Variants in NPHP4 observed in about 807,000 individuals in gnomAD.
NPHP4 encodes nephrocystin 4.
In NPHP4, 151 loss-of-function variants were observed where a neutral mutation model predicts 155.8. That is an observed-to-expected ratio of 0.97 (90% confidence interval 0.85 to 1.11). The LOEUF (loss-of-function observed/expected upper bound fraction) is 1.11, where lower values mean the gene tolerates loss of function less well. Among genes scored for constraint, NPHP4 ranks in the 50% least tolerant of loss-of-function variants. The probability of loss-of-function intolerance (pLI) is 0.00; values close to 1 mark genes in which losing one functional copy is unlikely to be tolerated. For synonymous variants in NPHP4, 845 were observed against 816.8 expected (o/e 1.03, Z -0.59); for missense variants, 1,956 against 1,925.7 (o/e 1.02, Z -0.29).
Position 5,904,667 on chromosome 1 carries a change from G to A in NPHP4, c.2093C>T (p.Ala698Val), listed in dbSNP as rs745698836. 69 of 1,613,774 alleles carry A rather than the reference G, an allele frequency of 4.3e-5. No individual in the cohort carries two copies. The Admixed American group carries it at 1.1e-3, about 25-fold the overall frequency. Residue 698 changes from alanine to valine, a missense_variant, in exon 16 of 30, where the codon GCC becomes GTC. By Grantham distance (64) the Ala-to-Val change is moderately conservative. Transcript: ENST00000378156. ...LDEAGQPSSG[A>V]LTHILVPVSR... is the part of the protein sequence containing the mutation. ...CACAGGCACGAGGATGTGGGTCAGGGCGCCAGAGCTGGGCTGGCCGGCCTC... is the reference window on the plus strand; with the variant it reads ...CACAGGCACGAGGATGTGGGTCAGGACGCCAGAGCTGGGCTGGCCGGCCTC...
At chr1:5,919,321 GT>G (rs1645623837) in intron 11 of NPHP4, among the ~76,000 whole-genome samples, 1 of 152,144 alleles carries the variant, frequency 6.6e-6, no homozygotes, top group African/African-American at 2.4e-5. Flanking sequence ...TTTTTGAACA[GT>G]TTTTTAGGTT....
In NPHP4 at chr1:5,882,419, G is replaced by A. The variant is rs1019650732; in HGVS notation, c.2486-2180C>T. On this transcript the variant is annotated intron_variant, in intron 18 of 29. Coordinates refer to ENST00000378156, the MANE Select transcript of NPHP4 (RefSeq NM_015102.5). The surrounding 1 kb of genome is among the most constrained non-coding windows in gnomAD (Gnocchi z 5.1). Reference sequence around the variant, plus strand: ...ATCTCTTTCCAGGGGAATTAATTTCGTTCTTGCCAATGTCCCAGTAGCTGA... The same window carrying A: ...ATCTCTTTCCAGGGGAATTAATTTCATTCTTGCCAATGTCCCAGTAGCTGA... 1.3e-5 allele frequency: 2 copies of A among 152,982 alleles called. No homozygotes were observed. The highest frequency in any genetic ancestry group is 2.4e-5 in the African/African-American group (1 of 41,418). 9.5% of individuals were successfully genotyped at this position (152,982 alleles called of 1,614,324 possible). A position where few individuals can be genotyped will look rare whatever the true frequency, so the allele number is the denominator to read the frequency against.
At chr1:5,981,297 C>T (rs978466886) in intron 2 of NPHP4, among the ~76,000 whole-genome samples, 4 of 152,194 alleles carry the variant, frequency 2.6e-5, no homozygotes, top group African/African-American at 9.7e-5. Context: ...TGCTACTTCA[C>T]ATCCAGTCTA....
rs560126756 is a variant in NPHP4, at chr1:5,864,248, G to A, written c.3996+90C>T. The A allele has an allele frequency of 3.8e-6, 5 of 1,302,848 alleles. No homozygotes were observed. The East Asian group carries it at 1.2e-4, about 33-fold the overall frequency. 80.7% of individuals were successfully genotyped at this position (1,302,848 alleles called of 1,614,324 possible). ...GCTGGGTCAGAACACTGTATCCAGT[G>A]GTCCGAGTCACAGGGCCGAGGTGGG... is the stretch of plus-strand genomic sequence containing the variant. On this transcript the variant is annotated intron_variant, in intron 28 of 29. Coordinates refer to ENST00000378156, the MANE Select transcript of NPHP4 (RefSeq NM_015102.5).
chr1:5,987,006 G>A (rs1308913644), intron 1 of NPHP4, among the ~76,000 whole-genome samples: 1 of 152,030 alleles, frequency 6.6e-6, no homozygotes, highest in Admixed American at 6.6e-5. Context: ...GGCCACCTTA[G>A]GACACACATA....
intron 5 of NPHP4, 102 bp downstream of exon 5, chr1:5,967,197 G>A: frequency 1.1e-6 from 1 of 884,734 alleles, no homozygotes; most frequent in Non-Finnish European, 1.8e-6. Context: ...TAAGCAGATA[G>A]CAGTTTACAC....
intron 18 of NPHP4, among the ~76,000 whole-genome samples, chr1:5,883,157 T>C (rs1205455294): frequency 2.0e-5 from 3 of 152,052 alleles, no homozygotes; most frequent in African/African-American, 7.2e-5. Flanking sequence ...TGTGGGAAAA[T>C]GGCAGACAAA....
intron 7 of NPHP4, among the ~76,000 whole-genome samples, chr1:5,949,535 A>G (rs1164625456): frequency 6.6e-6 from 1 of 152,086 alleles, no homozygotes; most frequent in African/African-American, 2.4e-5. Flanking sequence ...GAGACCGACA[A>G]TAACAGATAA....
At chr1:5,937,463 T>G (rs1315050958) in intron 9 of NPHP4, among the ~76,000 whole-genome samples, 1 of 152,256 alleles carries the variant, frequency 6.6e-6, no homozygotes, top group Non-Finnish European at 1.5e-5. Context: ...AACATCACAT[T>G]ACTTCACGAG....
chr1:5,938,158 G>A (rs1484739410), intron 9 of NPHP4, among the ~76,000 whole-genome samples: 3 of 152,370 alleles, frequency 2.0e-5, no homozygotes, highest in Non-Finnish European at 4.4e-5. Context: ...CAAGCGGCGG[G>A]TGGCTCCGGA....
At chr1:5,929,134 T>C (rs11578430) in intron 10 of NPHP4, among the ~76,000 whole-genome samples, 18,003 of 152,266 alleles carry the variant, frequency 0.12, 1,365 homozygotes, top group Non-Finnish European at 0.17. Context: ...ATTTTTCATG[T>C]TGACTTCCTG....
chr1:5,960,189 G>T (rs1479102019), intron 6 of NPHP4, among the ~76,000 whole-genome samples: 1 of 152,146 alleles, frequency 6.6e-6, no homozygotes, highest in African/African-American at 2.4e-5. Context: ...CGAAGTGGGC[G>T]TGGAGAGCAC....
At chr1:5,911,465 C>T (rs1232280245) in intron 11 of NPHP4, among the ~76,000 whole-genome samples, 1 of 152,250 alleles carries the variant, frequency 6.6e-6, no homozygotes, top group Non-Finnish European at 1.5e-5. Context: ...CTGTGTGCGT[C>T]CTCTTGGGGA....
intron 16 of NPHP4, among the ~76,000 whole-genome samples, chr1:5,899,033 C>T (rs1216400732): frequency 1.3e-5 from 2 of 152,190 alleles, no homozygotes; most frequent in African/African-American, 2.4e-5. Flanking sequence ...GCGATCACCA[C>T]GTGACTGGCG....
rs375429200 is a variant in NPHP4 at position 5,909,192 on chromosome 1, C to T, written c.1463G>A (p.Arg488Gln). Residue 488 changes from arginine to glutamine, a missense_variant, in exon 12 of 30, where the codon CGA becomes CAA. Coordinates refer to ENST00000378156, the MANE Select transcript of NPHP4 (RefSeq NM_015102.5). Reference protein sequence around the residue: ...SPSSPPAPVPRVLAAPQNSPV... With the variant: ...SPSSPPAPVPQVLAAPQNSPV... The stretch of plus-strand genomic sequence containing the variant: ...TGAGTTCTGCGGGGCAGCGAGAACT[C>T]GAGGTACTGGCGCTGGCGGGCCTGG... 1.3e-4 allele frequency: 206 copies of T among 1,603,952 alleles called. No homozygotes were observed. Among genetic ancestry groups the T allele is most frequent in the Non-Finnish European group, 1.6e-4 (192 of 1,175,696 alleles).
intron 10 of NPHP4, among the ~76,000 whole-genome samples, chr1:5,931,757 A>G (rs1646288768): frequency 7.7e-6 from 1 of 129,306 alleles, no homozygotes; most frequent in Non-Finnish European, 1.7e-5. Flanking sequence ...AAAAAAAAAA[A>G]ACTTTCTTGC....
chr1:5,951,308 C>T (rs749307156), intron 7 of NPHP4, among the ~76,000 whole-genome samples: 25 of 152,210 alleles, frequency 1.6e-4, no homozygotes, highest in Admixed American at 3.9e-4. Flanking sequence ...AAGGGTGTGA[C>T]GTGAAGAGGA....
intron 9 of NPHP4, among the ~76,000 whole-genome samples, chr1:5,946,609 C>A (rs562916471): frequency 3.9e-5 from 6 of 152,326 alleles, no homozygotes; most frequent in African/African-American, 1.4e-4. Context: ...ACTCCTGAAA[C>A]CCCCGGAATC....
At chr1:5,990,804 T>A (rs567321556) in intron 1 of NPHP4, among the ~76,000 whole-genome samples, 2 of 152,168 alleles carry the variant, frequency 1.3e-5, no homozygotes, top group Non-Finnish European at 2.9e-5. Context: ...TGTCTCCTCT[T>A]TAACTTCAGG....
Sources: gnomAD v4.1 joint callset for allele counts (sites outside exome capture counted in the v4.1 genomes callset) on GRCh38, gnomAD v4.1.1 for gene constraint, Gnocchi (gnomAD v3.1) non-coding constraint, MANE v1.5 for transcripts, NCBI Gene and HGNC (gene_info 2026-07-23, HGNC 2026-07-21) for gene names.